LPXN: variants seen among roughly 807,000 people sequenced by gnomAD.
LPXN encodes the protein leupaxin.
LPXN carries 28 observed loss-of-function variants against 45.6 expected under a neutral mutation model. The ratio of observed to expected loss-of-function variants is 0.61; its 90% CI spans 0.45 to 0.84. LPXN has a LOEUF of 0.84. LPXN is among the 40% of genes least tolerant of loss of function. The pLI is 0.00. For missense variants in LPXN, 459 were observed against 475.0 expected (o/e 0.97, Z 0.31); for synonymous variants, 166 against 169.9 (o/e 0.98, Z 0.18).
At chr11:58,577,772 T>G (rs984406523), upstream of LPXN, among the ~76,000 whole-genome samples, 3 of 151,604 alleles carry the variant, frequency 2.0e-5, no homozygotes, top group Admixed American at 2.0e-4. Flanking sequence ...TCACCAGTCA[T>G]GTCACGCTCA....
chr11:58,558,326 C>A (rs1425007545), intron 3 of LPXN, among the ~76,000 whole-genome samples: 1 of 151,316 alleles, frequency 6.6e-6, no homozygotes, highest in Non-Finnish European at 1.5e-5. Flanking sequence ...CTGCTTGAAC[C>A]CAGGAGTTTA....
Position 58,530,891 on chromosome 11 carries a change from C to T in LPXN, c.743-2700G>A, listed in dbSNP as rs528467279. Among the ~76,000 whole-genome samples the T allele has an allele frequency of 3.3e-5, 5 of 152,352 alleles. No individual in the cohort carries two copies. The East Asian group carries it at 9.7e-4, about 29-fold the overall frequency. On this transcript the variant is annotated intron_variant, in intron 7 of 8. Coordinates refer to ENST00000395074, the MANE Select transcript of LPXN (RefSeq NM_004811.3). ...AATCTTTGCTGTTCTGCAGCCTCTG[C>T]TGCTAATACCCAGGCAAACAGGGTC... is the stretch of plus-strand genomic sequence containing the variant.
intron 7 of LPXN, among the ~76,000 whole-genome samples, chr11:58,547,360 C>T (rs74804720): frequency 1.5e-3 from 235 of 152,224 alleles, no homozygotes; most frequent in African/African-American, 4.8e-3. Context: ...GAGAGAATAG[C>T]TAGTCAAGAC....
chr11:58,532,374 T>C (rs1853417489), intron 7 of LPXN, among the ~76,000 whole-genome samples: 1 of 152,226 alleles, frequency 6.6e-6, no homozygotes, highest in South Asian at 2.1e-4. Flanking sequence ...AGCCCTGGCA[T>C]GGGATCCACT....
At chr11:58,565,543 A>T (rs2072005953) in intron 2 of LPXN, among the ~76,000 whole-genome samples, 1 of 152,040 alleles carries the variant, frequency 6.6e-6, no homozygotes, top group African/African-American at 2.4e-5. Context: ...CAAAAAAAAA[A>T]AAAATGTGTT....
chr11:58,545,498 TTAAG>T (rs1450120062), intron 7 of LPXN, among the ~76,000 whole-genome samples: 3 of 152,204 alleles, frequency 2.0e-5, no homozygotes, highest in Non-Finnish European at 4.4e-5. Flanking sequence ...ATGATTTGGA[TTAAG>T]TGTCAATGAA....
chr11:58,570,284 C>CA (rs1281038726), intron 2 of LPXN, among the ~76,000 whole-genome samples: 5 of 148,512 alleles, frequency 3.4e-5, no homozygotes, highest in African/African-American at 5.0e-5. Flanking sequence ...GCCTTGGAGA[C>CA]AGAGTGTGAC....
chr11:58,561,432 C>T (rs1854373466), intron 3 of LPXN, among the ~76,000 whole-genome samples: 1 of 152,108 alleles, frequency 6.6e-6, no homozygotes, highest in East Asian at 1.9e-4. Context: ...TACAACATGG[C>T]CCTCTACTAG....
chr11:58,527,621 A>C lies in LPXN; in HGVS notation c.994T>G (p.Cys332Gly). The C allele has an allele frequency of 6.2e-7, 1 of 1,614,146 alleles. No individual in the cohort carries two copies. The highest frequency in any genetic ancestry group is 8.5e-7 in the Non-Finnish European group (1 of 1,180,018). ...HHRRGTLCHG[C>G]GQPITGRCIS... Reference sequence around the variant, plus strand: ...CAACGGCCAGTGATGGGCTGCCCACACCCATGGCAGAGCGTTCCCCGGCGG... The same window carrying C: ...CAACGGCCAGTGATGGGCTGCCCACCCCCATGGCAGAGCGTTCCCCGGCGG... The change falls in exon 9 of 9, where the codon TGT becomes GGT. Residue 332 changes from cysteine to glycine, a missense_variant. Physicochemically the swap from Cys to Gly is radical, Grantham distance 159 (BLOSUM62 -3). Transcript: ENST00000395074.
intron 7 of LPXN, among the ~76,000 whole-genome samples, chr11:58,535,402 C>T (rs1268926956): frequency 6.6e-6 from 1 of 152,144 alleles, no homozygotes; most frequent in African/African-American, 2.4e-5. Context: ...ATCTCATAAA[C>T]AGAAACAATG....
intron 7 of LPXN, among the ~76,000 whole-genome samples, chr11:58,535,781 A>C (rs182683383): frequency 6.6e-6 from 1 of 152,222 alleles, no homozygotes; most frequent in Non-Finnish European, 1.5e-5. Context: ...CCATCATCTC[A>C]ACCCAAAATC....
intron 7 of LPXN, among the ~76,000 whole-genome samples, chr11:58,532,401 G>A (rs1225275402): frequency 1.3e-5 from 2 of 152,268 alleles, no homozygotes; most frequent in Non-Finnish European, 2.9e-5. Context: ...AGCCAGCTGG[G>A]CTCCTGAGTC....
chr11:58,551,360 A>T, intron 4 of LPXN, 128 bp from the exon 5 acceptor site: 1 of 678,784 alleles, frequency 1.5e-6, no homozygotes, highest in South Asian at 5.7e-5. Flanking sequence ...CCTGCAAGAC[A>T]TTGGAAAAAT....
At position 58,575,721 on chromosome 11, in the gene LPXN, T is replaced by G. The variant is rs773763853; in HGVS notation, c.13+39A>C. 2.8e-5 allele frequency: 45 copies of G among 1,613,098 alleles called. No individual in the cohort carries two copies. The South Asian group carries it at 4.9e-4, about 18-fold the overall frequency. On this transcript the variant is annotated intron_variant, in intron 1 of 8. Transcript: ENST00000395074. ...CACACAAGGAGATGGCAGCCAAGTC[T>G]TCACTCCCTCAGAGTTTCTCCTCAG...
chr11:58,558,223 CAAT>C (rs550382899), intron 3 of LPXN, among the ~76,000 whole-genome samples: 1 of 150,476 alleles, frequency 6.6e-6, no homozygotes, highest in South Asian at 2.1e-4. Flanking sequence ...TATAGAGTAA[CAAT>C]AATTAAATTT....
rs954876688 is a variant in LPXN, at chr11:58,549,952, G to A, written c.660+21C>T. 1.9e-6 allele frequency: 3 copies of A among 1,613,890 alleles called. No individual in the cohort carries two copies. In the African/African-American group the frequency reaches 4.0e-5, roughly 22 times the overall value. ...TCTAAGTGAGTGACTGAAAGCTGGA[G>A]AGGAGCGGGGATTTACTTACATCCA... On this transcript the variant is annotated intron_variant, in intron 6 of 8. Coordinates refer to ENST00000395074, the MANE Select transcript of LPXN (RefSeq NM_004811.3).
At chr11:58,533,593 C>G (rs1470502921) in intron 7 of LPXN, among the ~76,000 whole-genome samples, 1 of 152,162 alleles carries the variant, frequency 6.6e-6, no homozygotes, top group Non-Finnish European at 1.5e-5. Flanking sequence ...ACCATAGATG[C>G]TATGAAGAAA....
chr11:58,540,157 G>A (rs1481645685), intron 7 of LPXN, among the ~76,000 whole-genome samples: 1 of 151,930 alleles, frequency 6.6e-6, no homozygotes, highest in Non-Finnish European at 1.5e-5. Flanking sequence ...TAGGAAATGG[G>A]GGCAGGAGTA....
At chr11:58,566,269 G>C (rs954705795) in intron 2 of LPXN, among the ~76,000 whole-genome samples, 9 of 152,010 alleles carry the variant, frequency 5.9e-5, no homozygotes, top group African/African-American at 2.2e-4. Context: ...GTTTTTAACT[G>C]AGAACACATT....
Sources: gnomAD v4.1 joint callset for allele counts (sites outside exome capture counted in the v4.1 genomes callset) on GRCh38, gnomAD v4.1.1 for gene constraint, MANE v1.5 for transcripts, NCBI Gene and HGNC (gene_info 2026-07-23, HGNC 2026-07-21) for gene names.